ITGBL1: variants seen among roughly 807,000 people sequenced by gnomAD.
ITGBL1 encodes the protein integrin subunit beta like 1.
Under a neutral mutation model 68.5 loss-of-function variants are expected in ITGBL1, and 51 were observed. That is an observed-to-expected ratio of 0.74 (90% CI 0.59 to 0.94). ITGBL1 has a LOEUF of 0.94. ITGBL1 is among the 40% of genes least tolerant of loss of function. The pLI, the probability that ITGBL1 is intolerant of heterozygous loss-of-function variation, is 0.00. For synonymous variants in ITGBL1, 209 were observed against 227.3 expected, an observed-to-expected ratio of 0.92 and a Z score of 0.72; for missense variants, 649 against 647.4, an observed-to-expected ratio of 1.00 and a Z score of -0.03.
chr13:101,523,798 C>T (rs1225198409), intron 2 of ITGBL1, among the ~76,000 whole-genome samples: 1 of 152,146 alleles, frequency 6.6e-6, no homozygotes, highest in Non-Finnish European at 1.5e-5. Flanking sequence ...CATAGTAATC[C>T]TCAGTTTTGT....
chr13:101,602,101 A>C (rs890865359), intron 7 of ITGBL1, among the ~76,000 whole-genome samples: 1 of 152,080 alleles, frequency 6.6e-6, no homozygotes, highest in African/African-American at 2.4e-5. Context: ...ATTTCAGTTC[A>C]GTTCAGTTCA....
intron 2 of ITGBL1, among the ~76,000 whole-genome samples, chr13:101,550,167 G>C (rs2049897532): frequency 6.6e-6 from 1 of 152,136 alleles, no homozygotes. Context: ...TCTTGTGTTT[G>C]CATATTTTTG....
At chr13:101,504,222 ATC>A (rs754146908) in intron 2 of ITGBL1, among the ~76,000 whole-genome samples, 2 of 152,182 alleles carry the variant, frequency 1.3e-5, no homozygotes, top group Non-Finnish European at 2.9e-5. Context: ...AAAGTTAAAG[ATC>A]TGTTTTTCTT....
In ITGBL1 at chr13:101,679,651, A is replaced by T. The variant is rs535680744; in HGVS notation, c.1016-12934A>T. ...AGAATTACTTTTGTATATGAGTATG[A>T]TATTACTACCTAATTTATAGCGTTT... On this transcript the variant is annotated intron_variant, in intron 7 of 10. Coordinates refer to ENST00000376180, the MANE Select transcript of ITGBL1 (RefSeq NM_004791.3). Among the ~76,000 whole-genome samples, 7 of 152,322 alleles carry T rather than the reference A, an allele frequency of 4.6e-5. 1 individual carries two copies. The highest frequency in any genetic ancestry group is 1.7e-4 in the African/African-American group (7 of 41,576).
intron 6 of ITGBL1, among the ~76,000 whole-genome samples, chr13:101,595,325 C>T (rs957980162): frequency 6.6e-6 from 1 of 151,996 alleles, no homozygotes; most frequent in Non-Finnish European, 1.5e-5. Flanking sequence ...CGTGAACTAC[C>T]AGAGCAGGAA....
At chr13:101,654,158 C>T (rs893428677) in intron 7 of ITGBL1, among the ~76,000 whole-genome samples, 7 of 152,104 alleles carry the variant, frequency 4.6e-5, no homozygotes, top group Admixed American at 4.6e-4. Flanking sequence ...TCACTGTGTT[C>T]AGATGATCAT....
At chr13:101,606,138 G>A (rs2030839123) in intron 7 of ITGBL1, among the ~76,000 whole-genome samples, 1 of 137,978 alleles carries the variant, frequency 7.2e-6, no homozygotes, top group African/African-American at 2.7e-5. Flanking sequence ...CCTTCACGTG[G>A]TCCCTGATAT....
At chr13:101,563,296 A>T (rs2139240528) in intron 2 of ITGBL1, among the ~76,000 whole-genome samples, 1 of 151,628 alleles carries the variant, frequency 6.6e-6, no homozygotes, top group East Asian at 1.9e-4. Context: ...AATAATAAAG[A>T]TTAGAGAAAA....
At chr13:101,560,837 T>G (rs1450470804) in intron 2 of ITGBL1, among the ~76,000 whole-genome samples, 1 of 152,170 alleles carries the variant, frequency 6.6e-6, no homozygotes, top group African/African-American at 2.4e-5. Context: ...GCATCACAGG[T>G]TTTGGGGATG....
chr13:101,606,866 C>G (rs1428320929), intron 7 of ITGBL1, among the ~76,000 whole-genome samples: 1 of 151,966 alleles, frequency 6.6e-6, no homozygotes, highest in Non-Finnish European at 1.5e-5. Context: ...AGGAGAATCC[C>G]TGACTGATAA....
chr13:101,524,584 C>G (rs1161990020), intron 2 of ITGBL1, among the ~76,000 whole-genome samples: 1 of 150,112 alleles, frequency 6.7e-6, no homozygotes, highest in South Asian at 2.1e-4. Context: ...TAATTAACAT[C>G]TGTTTCTCCT....
intron 2 of ITGBL1, among the ~76,000 whole-genome samples, chr13:101,492,189 G>C (rs1328213138): frequency 6.6e-6 from 1 of 152,130 alleles, no homozygotes; most frequent in Non-Finnish European, 1.5e-5. Context: ...CTGGTTCTTA[G>C]TTCAACCATT....
At chr13:101,540,124 G>T (rs1313893152) in intron 2 of ITGBL1, among the ~76,000 whole-genome samples, 1 of 152,036 alleles carries the variant, frequency 6.6e-6, no homozygotes, top group Non-Finnish European at 1.5e-5. Flanking sequence ...TGAAGTCCTT[G>T]CCCATGCCTA....
intron 7 of ITGBL1, among the ~76,000 whole-genome samples, chr13:101,664,636 A>G (rs1419269248): frequency 6.6e-6 from 1 of 152,188 alleles, no homozygotes; most frequent in Non-Finnish European, 1.5e-5. Context: ...AGCCCACCAT[A>G]AATCAAGTGA....
intron 7 of ITGBL1, among the ~76,000 whole-genome samples, chr13:101,666,088 C>G (rs3916914): frequency 0.26 from 39,761 of 152,026 alleles, 5,807 homozygotes; most frequent in African/African-American, 0.38. Context: ...CCATGCTGTA[C>G]TGCCCACTGC....
chr13:101,712,274 A>G (rs1162096729), intron 9 of ITGBL1: 2 of 152,216 alleles, frequency 1.3e-5, no homozygotes, highest in African/African-American at 2.4e-5. Context: ...TTCATGACAC[A>G]TACAAAATCA....
At chr13:101,546,817 A>G (rs2049833300) in intron 2 of ITGBL1, among the ~76,000 whole-genome samples, 1 of 152,048 alleles carries the variant, frequency 6.6e-6, no homozygotes, top group African/African-American at 2.4e-5. Context: ...AGAACATGTT[A>G]AACTATCAGG....
intron 7 of ITGBL1, among the ~76,000 whole-genome samples, chr13:101,649,638 C>T (rs1462573588): frequency 7.2e-5 from 11 of 152,052 alleles, no homozygotes; most frequent in Non-Finnish European, 1.6e-4. Flanking sequence ...CTGTCACAAC[C>T]TTAGCAAGGA....
Position 101,458,828 on chromosome 13 carries a change from A to G in ITGBL1, c.316+4728A>G, listed in dbSNP as rs1413535577. ...TTTTCTGAATAGTTTTAATCTGCCAATGAGGAGCCCACAGATATGGAGGCC... is the reference window on the plus strand; with the variant it reads ...TTTTCTGAATAGTTTTAATCTGCCAGTGAGGAGCCCACAGATATGGAGGCC... On this transcript the variant is annotated intron_variant, in intron 2 of 10. Transcript: ENST00000376180. Among the ~76,000 whole-genome samples the G allele has an allele frequency of 2.6e-5, 4 of 152,332 alleles. No homozygotes were observed. In the East Asian group the frequency reaches 7.7e-4, roughly 29 times the overall value.
Sources: gnomAD v4.1 joint callset for allele counts (sites outside exome capture counted in the v4.1 genomes callset) on GRCh38, gnomAD v4.1.1 for gene constraint, MANE v1.5 for transcripts, NCBI Gene and HGNC (gene_info 2026-07-23, HGNC 2026-07-21) for gene names.